The following AFF3 variants were observed in gnomAD, a reference collection of about 807,000 sequenced individuals.
The protein encoded by AFF3 is AF4/FMR2 family member 3.
Under a neutral mutation model 129.7 loss-of-function variants are expected in AFF3, and 32 were observed. That is an observed-to-expected ratio of 0.25 (90% CI 0.19 to 0.33). The LOEUF (loss-of-function observed/expected upper bound fraction) is 0.33, where lower values mean the gene tolerates loss of function less well. AFF3 is among the 10% of genes least tolerant of loss of function. The pLI, the probability that AFF3 is intolerant of heterozygous loss-of-function variation, is 1.00. For synonymous variants in AFF3, 644 were observed against 635.4 expected, an observed-to-expected ratio of 1.01 and a Z score of -0.20; for missense variants, 1,373 against 1,592.0, an observed-to-expected ratio of 0.86 and a Z score of 2.34.
chr2:99,920,570 C>T (rs1332403003), intron 7 of AFF3, among the ~76,000 whole-genome samples: 1 of 151,882 alleles, frequency 6.6e-6, no homozygotes, highest in African/African-American at 2.4e-5. Flanking sequence ...TAATGCACAT[C>T]TAGAAAAAAT....
chr2:99,585,371 G>A (rs1221191243), intron 16 of AFF3, among the ~76,000 whole-genome samples: 7 of 152,236 alleles, frequency 4.6e-5, no homozygotes, highest in African/African-American at 1.2e-4. Context: ...CTCTTGGACT[G>A]CTGTACAGCA....
At chr2:99,650,866 A>G (rs1685177172) in intron 12 of AFF3, among the ~76,000 whole-genome samples, 1 of 151,740 alleles carries the variant, frequency 6.6e-6, no homozygotes, top group Non-Finnish European at 1.5e-5. Context: ...ACTAAAAGAA[A>G]AAAATCATAA....
intron 7 of AFF3, among the ~76,000 whole-genome samples, chr2:99,945,189 C>T (rs1289567559): frequency 6.6e-6 from 1 of 152,210 alleles, no homozygotes; most frequent in Non-Finnish European, 1.5e-5. Flanking sequence ...CAGCCTTTAG[C>T]TGGTTGTGGG....
chr2:100,104,967 C>A, intron 3 of AFF3: 1 of 150,656 alleles, frequency 6.6e-6, no homozygotes, highest in South Asian at 2.0e-4. Context: ...CCTCGGGGTC[C>A]CGCGGCGCTC....
intron 7 of AFF3, among the ~76,000 whole-genome samples, chr2:99,959,978 T>C (rs1677065922): frequency 6.6e-6 from 1 of 152,124 alleles, no homozygotes; most frequent in Admixed American, 6.6e-5. Context: ...GGGATTTGTA[T>C]GTGTGTTGCT....
chr2:100,085,724 G>T (rs1326354562), intron 4 of AFF3, among the ~76,000 whole-genome samples: 3 of 152,018 alleles, frequency 2.0e-5, no homozygotes, highest in Non-Finnish European at 4.4e-5. Flanking sequence ...GATCTCTAAG[G>T]TTCCTTCCAG....
intron 20 of AFF3, among the ~76,000 whole-genome samples, chr2:99,563,352 G>A (rs942929600): frequency 2.6e-5 from 4 of 151,490 alleles, no homozygotes; most frequent in African/African-American, 7.3e-5. Context: ...CACCACGCCC[G>A]GCTAATTTTT....
chr2:99,847,392 T>C (rs368435860), intron 7 of AFF3, among the ~76,000 whole-genome samples: 1 of 152,006 alleles, frequency 6.6e-6, no homozygotes, highest in South Asian at 2.1e-4. Flanking sequence ...GCCAGGCTGG[T>C]CTCGAACTCC....
chr2:99,934,840 T>C (rs552670712), intron 7 of AFF3, among the ~76,000 whole-genome samples: 9 of 152,236 alleles, frequency 5.9e-5, no homozygotes, highest in African/African-American at 2.2e-4. Context: ...TCTGTGCTGC[T>C]CTCCTGCCAT....
intron 8 of AFF3, among the ~76,000 whole-genome samples, chr2:99,764,764 A>G (rs971440716): frequency 4.0e-5 from 6 of 151,890 alleles, no homozygotes; most frequent in Non-Finnish European, 7.4e-5. Flanking sequence ...GGACTGAGTG[A>G]CTCTTGTTAA....
intron 4 of AFF3, among the ~76,000 whole-genome samples, chr2:100,068,729 G>A (rs757708341): frequency 1.3e-5 from 2 of 152,038 alleles, no homozygotes; most frequent in South Asian, 2.1e-4. Flanking sequence ...TGGGACTCCC[G>A]ACGCCCACCA....
At position 99,549,305 on chromosome 2, in the gene AFF3, C is replaced by A. The variant is rs1011286800; in HGVS notation, c.*2169G>T. On this transcript the variant is annotated 3_prime_UTR_variant, in exon 25 of 25. Coordinates refer to ENST00000672756, the MANE Select transcript of AFF3 (RefSeq NM_001386135.1). ...ACTCTGCCAAAAATTAGTGAAAGGG[C>A]TGGGTGTGGTGGCTCACGCCTGTAA... 1.0e-5 allele frequency: 2 copies of A among 197,158 alleles called. No individual in the cohort carries two copies. The highest frequency in any genetic ancestry group is 2.1e-5 in the Non-Finnish European group (2 of 95,070). 12.2% of individuals were successfully genotyped at this position (197,158 alleles called of 1,614,324 possible). A position where few individuals can be genotyped will look rare whatever the true frequency, so the allele number is the denominator to read the frequency against.
At chr2:99,715,047 A>G (rs1218214981) in intron 11 of AFF3, among the ~76,000 whole-genome samples, 1 of 152,152 alleles carries the variant, frequency 6.6e-6, no homozygotes, top group Admixed American at 6.5e-5. Flanking sequence ...GTGGAGGTGA[A>G]TTCTTCAGCC....
Position 99,568,889 on chromosome 2 carries a change from T to C in AFF3, c.2945A>G (p.Gln982Arg), listed in dbSNP as rs1403411058. ...DMPRSADYFM[Q>R]EAKRMKHKAD... ...TTTATGCTTCATTCGTTTAGCTTCT[T>C]GCATAAAATAATCGGCACTGCGAGG... Residue 982 changes from glutamine to arginine, a missense_variant, in exon 19 of 25, where the codon CAA becomes CGA. This residue lies in a region of AFF3 where 65 missense variants were observed against 102.1 expected (regional missense o/e 0.64). Transcript: ENST00000672756. The C allele has an allele frequency of 6.2e-7, 1 of 1,614,184 alleles. No homozygotes were observed. The highest frequency in any genetic ancestry group is 1.6e-4 in the Middle Eastern group (1 of 6,062).
At chr2:100,124,746 A>C (rs1692117565) in intron 2 of AFF3, among the ~76,000 whole-genome samples, 1 of 152,224 alleles carries the variant, frequency 6.6e-6, no homozygotes. Context: ...AGGGCAACTA[A>C]TGCAAGAAAA....
chr2:99,741,428 GACAA>G (rs1680711833), intron 10 of AFF3, among the ~76,000 whole-genome samples: 2 of 152,028 alleles, frequency 1.3e-5, no homozygotes, highest in East Asian at 1.9e-4. Flanking sequence ...ACCAACAACA[GACAA>G]ACAGAGAGCC....
At chr2:100,036,611 G>T (rs1684931152) in intron 4 of AFF3, among the ~76,000 whole-genome samples, 3 of 151,862 alleles carry the variant, frequency 2.0e-5, no homozygotes. Flanking sequence ...ATTTGATCAT[G>T]CAATCATATA....
intron 8 of AFF3, among the ~76,000 whole-genome samples, chr2:99,787,355 G>A (rs766579039): frequency 6.6e-6 from 1 of 152,054 alleles, no homozygotes; most frequent in Non-Finnish European, 1.5e-5. Flanking sequence ...GCCTGCCTTC[G>A]GATAGCTGTG....
In AFF3 at chr2:99,837,531, G is replaced by C; in HGVS notation, c.874-7C>G. Reference sequence around the variant, plus strand: ...TTTCTCCAGATCTACTCTCCTGAAAGCAAAGAAAAAAAAATTAAGCCTGAT... The same window carrying C: ...TTTCTCCAGATCTACTCTCCTGAAACCAAAGAAAAAAAAATTAAGCCTGAT... On this transcript the variant is annotated splice_region_variant and splice_polypyrimidine_tract_variant and intron_variant, in intron 7 of 24. Coordinates refer to ENST00000672756, the MANE Select transcript of AFF3 (RefSeq NM_001386135.1). 6.2e-7 allele frequency: 1 copy of C among 1,612,070 alleles called. No homozygotes were observed. Among genetic ancestry groups the C allele is most frequent in the Non-Finnish European group, 8.5e-7 (1 of 1,179,220 alleles).
Sources: gnomAD v4.1 joint callset for allele counts (sites outside exome capture counted in the v4.1 genomes callset) on GRCh38, gnomAD v4.1.1 for gene constraint, gnomAD v4.1.1 regional missense constraint, MANE v1.5 for transcripts, NCBI Gene and HGNC (gene_info 2026-07-23, HGNC 2026-07-21) for gene names.